The following PTPRB variants were observed in gnomAD, a reference collection of about 807,000 sequenced individuals.
PTPRB encodes the protein receptor-type tyrosine-protein phosphatase beta.
Under a neutral mutation model 238.1 loss-of-function variants are expected in PTPRB, and 97 were observed. The ratio of observed to expected loss-of-function variants is 0.41; its 90% CI spans 0.35 to 0.48. PTPRB has a LOEUF of 0.48. Among genes scored for constraint, PTPRB ranks in the 20% least tolerant of loss-of-function variants. The probability of loss-of-function intolerance (pLI) is 0.30; values close to 1 mark genes in which losing one functional copy is unlikely to be tolerated. For synonymous variants in PTPRB, 970 were observed against 995.4 expected (o/e 0.97, Z 0.48); for missense variants, 2,292 against 2,681.9 (o/e 0.85, Z 3.21).
chr12:70,554,437 G>C (rs1233578292), intron 20 of PTPRB, among the ~76,000 whole-genome samples: 1 of 152,180 alleles, frequency 6.6e-6, no homozygotes, highest in Non-Finnish European at 1.5e-5. Flanking sequence ...ATATGGACAG[G>C]TGTGCCCCAA....
Position 70,534,624 on chromosome 12 carries a change from T to C in PTPRB, c.6232A>G (p.Ile2078Val). Residue 2078 changes from isoleucine (I) to valine (V), a missense_variant, in exon 31 of 34, where the codon ATC (isoleucine) becomes GTC (valine). Ile to Val is a conservative substitution (Grantham distance 29). Transcript: ENST00000334414. ...CACACCGTATAGTGAAAGTGGCGGA[T>C]GAGTCTGTGTGCATCAAGCTGTTCC... ...GEEQLDAHRL[I>V]RHFHYTVWPD... 1.2e-6 allele frequency: 2 copies of C among 1,612,636 alleles called. No homozygotes were observed. Among genetic ancestry groups the C allele is most frequent in the African/African-American group, 2.7e-5 (2 of 75,016 alleles).
chr12:70,532,327 C>A (rs1166469360), intron 31 of PTPRB, among the ~76,000 whole-genome samples, 157 bp from the exon 32 acceptor site: 1 of 150,624 alleles, frequency 6.6e-6, no homozygotes, highest in Non-Finnish European at 1.5e-5. Context: ...TAGAGTCCCC[C>A]AACCCCACCC....
chr12:70,535,587 G>T (rs1874004684), intron 29 of PTPRB, among the ~76,000 whole-genome samples: 1 of 152,084 alleles, frequency 6.6e-6, no homozygotes, highest in Non-Finnish European at 1.5e-5. Flanking sequence ...AGTAGAGGAT[G>T]GTAAGTGCAT....
At chr12:70,607,701 G>A (rs540127240) in intron 4 of PTPRB, among the ~76,000 whole-genome samples, 12 of 151,482 alleles carry the variant, frequency 7.9e-5, no homozygotes, top group Admixed American at 1.3e-4. Flanking sequence ...CACACCAGGC[G>A]AATTTTTTAT....
At chr12:70,549,587 A>G (rs986581825) in intron 21 of PTPRB, among the ~76,000 whole-genome samples, 20 of 152,198 alleles carry the variant, frequency 1.3e-4, no homozygotes, top group Non-Finnish European at 1.0e-4. Context: ...TTACCGTGCT[A>G]TTTCCTGTCC....
chr12:70,540,716 A>C, intron 23 of PTPRB, 142 bp downstream of exon 23: 1 of 657,802 alleles, frequency 1.5e-6, no homozygotes, highest in South Asian at 2.0e-5. Context: ...TTAGAGTTTG[A>C]CTTGTTTTTA....
chr12:70,544,987 G>A (rs544022425), intron 21 of PTPRB, among the ~76,000 whole-genome samples: 38 of 152,310 alleles, frequency 2.5e-4, no homozygotes, highest in African/African-American at 8.9e-4. Flanking sequence ...CAGATGAGAT[G>A]TGTGCTATGA....
At position 70,548,299 on chromosome 12, in the gene PTPRB, G is replaced by A. The variant is rs974695340; in HGVS notation, c.5388-3636C>T. 2.7e-5 allele frequency among the ~76,000 whole-genome samples: 4 copies of A among 150,648 alleles called. No individual in the cohort carries two copies. The East Asian group carries it at 7.8e-4, about 29-fold the overall frequency. On this transcript the variant is annotated intron_variant, in intron 21 of 33. Transcript: ENST00000334414. ...GCTGAGATCACACCACTGCACTCCA[G>A]CCTGGGCAACACAGCAAGACTCTCT... is the stretch of plus-strand genomic sequence containing the variant.
chr12:70,524,787 G>C (rs761928605), intron 32 of PTPRB, among the ~76,000 whole-genome samples, 196 bp from the exon 33 acceptor site: 5 of 152,100 alleles, frequency 3.3e-5, no homozygotes, highest in African/African-American at 4.8e-5. Flanking sequence ...GTAATGGGCA[G>C]AGAGGTGGCA....
At chr12:70,633,029 C>T (rs1222772135) in intron 2 of PTPRB, among the ~76,000 whole-genome samples, 1 of 152,138 alleles carries the variant, frequency 6.6e-6, no homozygotes, top group Admixed American at 6.5e-5. Flanking sequence ...AAATATGAAA[C>T]ATGTGGCTTA....
intron 22 of PTPRB, among the ~76,000 whole-genome samples, chr12:70,544,056 C>T (rs73142928): frequency 5.6e-4 from 85 of 152,258 alleles, no homozygotes; most frequent in Non-Finnish European, 1.1e-3. Context: ...TATGCACAGT[C>T]TTTTATATTA....
chr12:70,593,625 T>C (rs1488813649), intron 6 of PTPRB, among the ~76,000 whole-genome samples: 2 of 151,336 alleles, frequency 1.3e-5, no homozygotes, highest in East Asian at 3.9e-4. Flanking sequence ...TTAAGATATA[T>C]AGAACATTTT....
At chr12:70,564,111 G>T (rs1878892801) in intron 15 of PTPRB, among the ~76,000 whole-genome samples, 1 of 152,118 alleles carries the variant, frequency 6.6e-6, no homozygotes, top group African/African-American at 2.4e-5. Flanking sequence ...GTTGGCATTG[G>T]CTCTGCTTAT....
intron 3 of PTPRB, among the ~76,000 whole-genome samples, chr12:70,619,910 T>C (rs561872820): frequency 6.6e-6 from 1 of 152,318 alleles, no homozygotes; most frequent in East Asian, 1.9e-4. Context: ...AGTGACTCAT[T>C]TTTACTTTTC....
chr12:70,523,305 C>T (rs1323019511), intron 33 of PTPRB, among the ~76,000 whole-genome samples: 1 of 152,200 alleles, frequency 6.6e-6, no homozygotes, highest in Non-Finnish European at 1.5e-5. Context: ...CAGGTGCACA[C>T]CATGCCTGGT....
chr12:70,634,745 T>C (rs1236775717), intron 2 of PTPRB, among the ~76,000 whole-genome samples: 1 of 152,252 alleles, frequency 6.6e-6, no homozygotes, highest in Non-Finnish European at 1.5e-5. Flanking sequence ...ATAGATCTGC[T>C]GCTAATTTAT....
rs1871178126 is a variant in PTPRB at position 70,515,997 on chromosome 12, T to C, written c.*5492A>G. On this transcript the variant is annotated 3_prime_UTR_variant, in exon 34 of 34. Coordinates refer to ENST00000334414, the MANE Select transcript of PTPRB (RefSeq NM_001109754.4). ...AAATACATAATTTAAATTGAAAGACTAAGGAAGTTCTTTGTTCAAATACAG... is the reference window on the plus strand; with the variant it reads ...AAATACATAATTTAAATTGAAAGACCAAGGAAGTTCTTTGTTCAAATACAG... The C allele has an allele frequency of 6.6e-6, 1 of 152,114 alleles. No individual in the cohort carries two copies. Among genetic ancestry groups the C allele is most frequent in the Admixed American group, 6.6e-5 (1 of 15,260 alleles). 9.4% of individuals were successfully genotyped at this position (152,114 alleles called of 1,614,324 possible).
At chr12:70,561,515 GGA>G (rs1397900165) in intron 16 of PTPRB, among the ~76,000 whole-genome samples, 5 of 152,158 alleles carry the variant, frequency 3.3e-5, no homozygotes, top group African/African-American at 1.2e-4. Context: ...TGCCACATTG[GGA>G]GACCTTTAAG....
intron 1 of PTPRB, 86 bp from the exon 2 acceptor site, chr12:70,636,152 A>G: frequency 2.4e-6 from 3 of 1,267,864 alleles, no homozygotes; most frequent in Non-Finnish European, 2.1e-6. Flanking sequence ...AAATGAGCTA[A>G]ATAAAATCAC....
Sources: gnomAD v4.1 joint callset for allele counts (sites outside exome capture counted in the v4.1 genomes callset) on GRCh38, gnomAD v4.1.1 for gene constraint, MANE v1.5 for transcripts, NCBI Gene and HGNC (gene_info 2026-07-23, HGNC 2026-07-21) for gene names.